PTPN4: variants seen among roughly 807,000 people sequenced by gnomAD.
The protein encoded by PTPN4 is protein tyrosine phosphatase non-receptor type 4.
Under a neutral mutation model 135.5 loss-of-function variants are expected in PTPN4, and 49 were observed. The observed-to-expected ratio is 0.36, with a 90% CI of 0.29 to 0.46. PTPN4 has a LOEUF of 0.46. Among genes scored for constraint, PTPN4 ranks in the 20% least tolerant of loss-of-function variants. The probability of loss-of-function intolerance (pLI) is 1.00; values close to 1 mark genes in which losing one functional copy is unlikely to be tolerated. For synonymous variants in PTPN4, 333 were observed against 369.9 expected, an observed-to-expected ratio of 0.90 and a Z score of 1.14; for missense variants, 860 against 1,101.0, an observed-to-expected ratio of 0.78 and a Z score of 3.10.
chr2:119,862,579 A>G lies in PTPN4; in HGVS notation c.182A>G (p.His61Arg), dbSNP rs757862652. 1 of 1,612,962 alleles carries G rather than the reference A, an allele frequency of 6.2e-7. No homozygotes were observed. Among genetic ancestry groups the G allele is most frequent in the South Asian group, 1.1e-5 (1 of 91,026 alleles). Reference sequence around the variant, plus strand: ...GTCTTGTTGGATGTCGTCTTCAAGCATCTAGATTTGACTGAGCAGGACTAT... The same window carrying G: ...GTCTTGTTGGATGTCGTCTTCAAGCGTCTAGATTTGACTGAGCAGGACTAT... ...GQVLLDVVFKHLDLTEQDYFG... is the reference protein window; with the variant it reads ...GQVLLDVVFKRLDLTEQDYFG... The change falls in exon 3 of 27, where the codon CAT (histidine) becomes CGT (arginine). Residue 61 changes from histidine to arginine, a missense_variant. Transcript: ENST00000263708.
rs985468161 is a variant in PTPN4, at chr2:119,983,002, A to G, written c.*5932A>G. ...CTTTAAAAGGTGGTATTTATTATTC[A>G]TCACTCATGAAACTTGACTCAGTGA... On this transcript the variant is annotated 3_prime_UTR_variant, in exon 27 of 27. Transcript: ENST00000263708. 2 of 152,188 alleles carry G rather than the reference A, an allele frequency of 1.3e-5. No individual in the cohort carries two copies. Among genetic ancestry groups the G allele is most frequent in the African/African-American group, 4.8e-5 (2 of 41,436 alleles). The allele number at this position is 152,188 out of a possible 1,614,324, so 9.4% of individuals were successfully genotyped here. A position where few individuals can be genotyped will look rare whatever the true frequency, so the allele number is the denominator to read the frequency against.
chr2:119,934,840 C>A lies in PTPN4; in HGVS notation c.1237C>A (p.Pro413Thr). ...TFTQEGTRLR[P>T]SSVGHLVDHM... is the part of the protein sequence containing the mutation. ...CACGCAGGAAGGAACCCGGTTACGACCATCTTCAGTTGGTCATTTGGTAGA... is the reference window on the plus strand; with the variant it reads ...CACGCAGGAAGGAACCCGGTTACGAACATCTTCAGTTGGTCATTTGGTAGA... Residue 413 changes from proline to threonine, a missense_variant, in exon 15 of 27, where the codon CCA becomes ACA. Pro to Thr is a conservative substitution (Grantham distance 38). This residue lies in a region of PTPN4 where 684 missense variants were observed against 807.0 expected (regional missense o/e 0.85). Coordinates refer to ENST00000263708, the MANE Select transcript of PTPN4 (RefSeq NM_002830.4). 1 of 1,613,980 alleles carries A rather than the reference C, an allele frequency of 6.2e-7. No individual in the cohort carries two copies. The highest frequency in any genetic ancestry group is 1.1e-5 in the South Asian group (1 of 91,074).
At chr2:119,845,259 G>GAGAGGGT in intron 2 of PTPN4, among the ~76,000 whole-genome samples, 1 of 71,510 alleles carries the variant, frequency 1.4e-5, no homozygotes, top group East Asian at 4.0e-4. Context: ...AGGGGGAGGG[G>GAGAGGGT]GAGGGGGAGG....
At chr2:119,930,650 T>C (rs1028332275) in intron 13 of PTPN4, among the ~76,000 whole-genome samples, 10 of 152,198 alleles carry the variant, frequency 6.6e-5, no homozygotes, top group Admixed American at 4.6e-4. Flanking sequence ...GTCAGTGTTA[T>C]TGTGCGTGTT....
At chr2:119,907,107 C>G (rs1678501022) in intron 10 of PTPN4, among the ~76,000 whole-genome samples, 1 of 152,064 alleles carries the variant, frequency 6.6e-6, no homozygotes, top group Non-Finnish European at 1.5e-5. Flanking sequence ...TGAAAGATCT[C>G]TACAACAAAA....
At chr2:119,863,776 T>C (rs1240343686) in intron 3 of PTPN4, among the ~76,000 whole-genome samples, 5 of 152,150 alleles carry the variant, frequency 3.3e-5, no homozygotes, top group Admixed American at 3.3e-4. Context: ...TAAATGCTTT[T>C]ATACTGAACT....
At chr2:119,943,408 A>G (rs527958285) in intron 15 of PTPN4, among the ~76,000 whole-genome samples, 2 of 152,078 alleles carry the variant, frequency 1.3e-5, no homozygotes, top group East Asian at 3.9e-4. Context: ...AGACATAACA[A>G]AAGTTCTTTC....
intron 1 of PTPN4, among the ~76,000 whole-genome samples, chr2:119,774,463 C>A (rs1690794033): frequency 6.6e-6 from 1 of 152,120 alleles, no homozygotes; most frequent in Non-Finnish European, 1.5e-5. Flanking sequence ...TTGTGAAATA[C>A]CTTTTTATCT....
intron 1 of PTPN4, among the ~76,000 whole-genome samples, chr2:119,792,761 A>C (rs997405678): frequency 1.3e-5 from 2 of 152,222 alleles, no homozygotes; most frequent in African/African-American, 4.8e-5. Flanking sequence ...AAAGGGAAAG[A>C]GTACAAAAGA....
At chr2:119,909,394 T>G (rs1678535864) in intron 10 of PTPN4, among the ~76,000 whole-genome samples, 1 of 152,174 alleles carries the variant, frequency 6.6e-6, no homozygotes, top group Non-Finnish European at 1.5e-5. Context: ...CACACATCTG[T>G]TTACAGCATA....
chr2:119,910,649 T>A (rs1678557768), intron 10 of PTPN4, among the ~76,000 whole-genome samples: 1 of 152,126 alleles, frequency 6.6e-6, no homozygotes, highest in Non-Finnish European at 1.5e-5. Context: ...GTTTCCCCCA[T>A]TGTGTTCTCA....
chr2:119,975,094 G>GTGTT (rs745533847), intron 26 of PTPN4, among the ~76,000 whole-genome samples: 11 of 151,942 alleles, frequency 7.2e-5, no homozygotes, highest in Admixed American at 2.0e-4. Context: ...AATTACTGAG[G>GTGTT]TGTTTGTTTG....
intron 3 of PTPN4, among the ~76,000 whole-genome samples, chr2:119,864,472 A>G (rs979476533): frequency 6.6e-5 from 10 of 152,126 alleles, no homozygotes; most frequent in Non-Finnish European, 1.0e-4. Flanking sequence ...GAAAAAATAG[A>G]TAATTCTTAG....
chr2:119,775,983 C>A (rs1014675271), intron 1 of PTPN4, among the ~76,000 whole-genome samples: 3 of 151,918 alleles, frequency 2.0e-5, no homozygotes, highest in Non-Finnish European at 4.4e-5. Flanking sequence ...CAAACCAGTA[C>A]CAGATGATAA....
chr2:119,984,170 T>C lies in PTPN4; in HGVS notation c.*7100T>C, dbSNP rs1168377775. ...AATCTTTTCAAATAAGAAAAGCTAC[T>C]CCTTATTCTCTACAGTGTAGGCTTA... is the stretch of plus-strand genomic sequence containing the variant. On this transcript the variant is annotated 3_prime_UTR_variant, in exon 27 of 27. Transcript: ENST00000263708. Among the ~76,000 whole-genome samples, 1 of 152,236 alleles carries C rather than the reference T, an allele frequency of 6.6e-6. No homozygotes were observed. Among genetic ancestry groups the C allele is most frequent in the South Asian group, 2.1e-4 (1 of 4,832 alleles).
chr2:119,948,043 G>A (rs1009511073), intron 18 of PTPN4, among the ~76,000 whole-genome samples: 2 of 151,970 alleles, frequency 1.3e-5, no homozygotes, highest in African/African-American at 4.8e-5. Flanking sequence ...CAAGACCGGG[G>A]ATATTATGTA....
chr2:119,779,100 G>A (rs1297339922), intron 1 of PTPN4, among the ~76,000 whole-genome samples: 1 of 151,990 alleles, frequency 6.6e-6, no homozygotes, highest in Non-Finnish European at 1.5e-5. Context: ...CATAGTTTTG[G>A]TAGCACTATC....
rs1052639342 is a variant in PTPN4, at chr2:119,817,559, T to A, written c.138+7568T>A. Among the ~76,000 whole-genome samples the A allele has an allele frequency of 7.7e-4, 118 of 152,288 alleles. 1 individual carries two copies. Among genetic ancestry groups the A allele is most frequent in the Non-Finnish European group, 2.1e-4 (14 of 68,024 alleles). ...TGTACTAGTACCGTACTGTTTTTGG[T>A]TACTGTAGCCCTGTAGTATAGTTTG... On this transcript the variant is annotated intron_variant, in intron 2 of 26. Coordinates refer to ENST00000263708, the MANE Select transcript of PTPN4 (RefSeq NM_002830.4).
Position 119,967,928 on chromosome 2 carries a change from G to GAT in PTPN4, c.2650_2651insAT (p.Val884AspfsTer2). 3 of 1,610,052 alleles carry GAT rather than the reference G, an allele frequency of 1.9e-6. No homozygotes were observed. The highest frequency in any genetic ancestry group is 2.5e-6 in the Non-Finnish European group (3 of 1,177,196). Reference sequence around the variant, plus strand: ...TCAGCCAGTTTATCCACTAGATATTGTAAGAACAATGAGAGATCAGCGAGC... The same window carrying GAT: ...TCAGCCAGTTTATCCACTAGATATTGATTAAGAACAATGAGAGATCAGCGAGC... On this transcript the variant is annotated frameshift_variant, in exon 26 of 27. Transcript: ENST00000263708. LOFTEE classifies it high-confidence loss of function.
Sources: gnomAD v4.1 joint callset for allele counts (sites outside exome capture counted in the v4.1 genomes callset) on GRCh38, gnomAD v4.1.1 for gene constraint, gnomAD v4.1.1 regional missense constraint, MANE v1.5 for transcripts, NCBI Gene and HGNC (gene_info 2026-07-23, HGNC 2026-07-21) for gene names.